Variants in ZNF106 observed in about 807,000 individuals in gnomAD.
ZNF106 encodes zinc finger protein 106.
ZNF106 carries 67 observed loss-of-function variants against 195.1 expected under a neutral mutation model. The ratio of observed to expected loss-of-function variants is 0.34; its 90% CI spans 0.28 to 0.42. The LOEUF (loss-of-function observed/expected upper bound fraction) is 0.42. Among genes scored for constraint, ZNF106 ranks in the 10% least tolerant of loss-of-function variants. The pLI is 1.00. For missense variants in ZNF106, 2,118 were observed against 2,304.5 expected (o/e 0.92, Z 1.66); for synonymous variants, 784 against 818.6 (o/e 0.96, Z 0.72).
At chr15:42,471,894 T>G (rs1032129954) in intron 2 of ZNF106, among the ~76,000 whole-genome samples, 2 of 152,222 alleles carry the variant, frequency 1.3e-5, no homozygotes, top group African/African-American at 4.8e-5. Flanking sequence ...AGTACATGAT[T>G]TTAAAATTAC....
intron 9 of ZNF106, among the ~76,000 whole-genome samples, chr15:42,443,747 G>A (rs2055647385): frequency 1.3e-5 from 2 of 151,148 alleles, no homozygotes; most frequent in African/African-American, 4.9e-5. Flanking sequence ...CAAAAAAAAA[G>A]GATGAAACCA....
rs1172493603 is a variant in ZNF106 at position 42,421,946 on chromosome 15, T to C, written c.5416A>G (p.Ile1806Val). The C allele has an allele frequency of 6.3e-7, 1 of 1,585,594 alleles. No homozygotes were observed. The change falls in exon 19 of 22, where the codon ATT becomes GTT. Residue 1806 changes from isoleucine to valine, a missense_variant. Coordinates refer to ENST00000564754, the MANE Select transcript of ZNF106 (RefSeq NM_001366845.3). ...CTTTTATGGATGGTCATACACATAA[T>C]CATGTCTTTGTGTCCTCCATAAACT... The part of the protein sequence containing the change: ...LQVYGGHKDM[I>V]MCMTIHKSMI...
At chr15:42,459,390 C>T (rs1344230900) in intron 3 of ZNF106, among the ~76,000 whole-genome samples, 5 of 152,006 alleles carry the variant, frequency 3.3e-5, no homozygotes, top group African/African-American at 7.2e-5. Flanking sequence ...GCAGGAGAAT[C>T]GCTTGAACCC....
At chr15:42,449,739 G>A in intron 5 of ZNF106, 32 bp downstream of exon 5, 8 of 1,568,726 alleles carry the variant, frequency 5.1e-6, no homozygotes, top group Non-Finnish European at 6.9e-6. Flanking sequence ...AAGAAAGTGA[G>A]GAAAAAAAAG....
At chr15:42,424,255 A>T (rs2054772395) in intron 16 of ZNF106, 195 bp from the exon 17 acceptor site, 1 of 551,586 alleles carries the variant, frequency 1.8e-6, no homozygotes, top group Admixed American at 3.4e-5. Flanking sequence ...ATGAACTGAC[A>T]ATGTATTATT....
chr15:42,486,912 A>C (rs1225210182), intron 1 of ZNF106, among the ~76,000 whole-genome samples: 2 of 152,108 alleles, frequency 1.3e-5, no homozygotes, highest in Admixed American at 1.3e-4. Context: ...GCACTTTGGG[A>C]GGCTGAGGTG....
chr15:42,466,083 T>C lies in ZNF106; in HGVS notation c.86A>G (p.His29Arg). 6.5e-7 allele frequency: 1 copy of C among 1,534,884 alleles called. No homozygotes were observed. Among genetic ancestry groups the C allele is most frequent in the Non-Finnish European group, 8.7e-7 (1 of 1,146,386 alleles). The change falls in exon 3 of 22, where the codon CAT (histidine) becomes CGT (arginine). Residue 29 changes from histidine to arginine, a missense_variant. Transcript: ENST00000564754. ...CTTGAGGTTCTCAAGTTCCCTGTGATGCAACATGCTCCGCATGTGTTCGTC... is the reference window on the plus strand; with the variant it reads ...CTTGAGGTTCTCAAGTTCCCTGTGACGCAACATGCTCCGCATGTGTTCGTC... ...EMDEHMRSMLHHRELENLKGR... is the reference protein window; with the variant it reads ...EMDEHMRSMLRHRELENLKGR...
At chr15:42,464,353 C>A (rs1395582656) in intron 3 of ZNF106, among the ~76,000 whole-genome samples, 107 of 144,052 alleles carry the variant, frequency 7.4e-4, no homozygotes, top group African/African-American at 2.1e-3. Flanking sequence ...AAAAAAAAAA[C>A]AAAAAACCAC....
chr15:42,480,722 C>T (rs559947745), intron 1 of ZNF106, among the ~76,000 whole-genome samples: 42 of 152,282 alleles, frequency 2.8e-4, no homozygotes, highest in South Asian at 6.2e-4. Flanking sequence ...TGGTGGCTCA[C>T]GCCTGAAATC....
intron 1 of ZNF106, among the ~76,000 whole-genome samples, chr15:42,489,318 C>T (rs1386081523): frequency 1.4e-4 from 22 of 151,830 alleles, no homozygotes; most frequent in Admixed American, 1.4e-3. Flanking sequence ...GCTGGAATTA[C>T]AGGCATGTGC....
At chr15:42,464,689 G>A (rs2056473933) in intron 3 of ZNF106, among the ~76,000 whole-genome samples, 1 of 151,948 alleles carries the variant, frequency 6.6e-6, no homozygotes, top group South Asian at 2.1e-4. Flanking sequence ...ACTATGCCCA[G>A]CTAATTTTGG....
chr15:42,473,293 T>A (rs2056718710), intron 1 of ZNF106, among the ~76,000 whole-genome samples: 1 of 152,196 alleles, frequency 6.6e-6, no homozygotes, highest in Non-Finnish European at 1.5e-5. Context: ...TGTATGTAAT[T>A]CCTCTGCTCA....
chr15:42,469,094 A>G (rs2056601433), intron 2 of ZNF106, among the ~76,000 whole-genome samples: 1 of 151,944 alleles, frequency 6.6e-6, no homozygotes, highest in Non-Finnish European at 1.5e-5. Context: ...CTGAAGCAGG[A>G]GGATCACTTG....
intron 3 of ZNF106, among the ~76,000 whole-genome samples, chr15:42,465,731 C>G (rs1031781578): frequency 6.6e-6 from 1 of 152,122 alleles, no homozygotes; most frequent in African/African-American, 2.4e-5. Context: ...AGTAAAAATA[C>G]AAAATGTCCT....
chr15:42,421,016 A>C, intron 20 of ZNF106, 45 bp downstream of exon 20: 3 of 1,566,224 alleles, frequency 1.9e-6, no homozygotes, highest in Non-Finnish European at 2.6e-6. Context: ...CCTAGGGTGA[A>C]GCAACCTATA....
chr15:42,479,919 G>A (rs1416804858), intron 1 of ZNF106, among the ~76,000 whole-genome samples: 2 of 152,090 alleles, frequency 1.3e-5, no homozygotes, highest in African/African-American at 4.8e-5. Flanking sequence ...ACACAAACAT[G>A]GCTCACTGCA....
At chr15:42,441,004 T>C (rs1416127142) in intron 10 of ZNF106, among the ~76,000 whole-genome samples, 1 of 13,282 alleles carries the variant, frequency 7.5e-5, no homozygotes, top group Non-Finnish European at 1.2e-4. Context: ...AAAAAATATA[T>C]ATATATATAT....
intron 2 of ZNF106, among the ~76,000 whole-genome samples, chr15:42,470,302 AC>A (rs1454316450): frequency 6.6e-6 from 1 of 152,216 alleles, no homozygotes; most frequent in Non-Finnish European, 1.5e-5. Context: ...AACCAGAGTT[AC>A]ACTAGTTTGG....
rs971837836 is a variant in ZNF106 at position 42,417,211 on chromosome 15, A to C, written c.*93T>G. 4.6e-5 allele frequency: 64 copies of C among 1,397,654 alleles called. No individual in the cohort carries two copies. The African/African-American group carries it at 5.1e-4, about 11-fold the overall frequency. 86.6% of individuals were successfully genotyped at this position (1,397,654 alleles called of 1,614,324 possible). A position where few individuals can be genotyped will look rare whatever the true frequency, so the allele number is the denominator to read the frequency against. ...GCTAGTAACCACTTTCTCCTTCCTT[A>C]CTTCACCAAGAAAGGGAAGAGAGTG... On this transcript the variant is annotated 3_prime_UTR_variant, in exon 22 of 22. Transcript: ENST00000564754.
Sources: allele counts gnomAD v4.1 joint callset (sites outside exome capture counted in the v4.1 genomes callset), GRCh38; gene constraint gnomAD v4.1.1; transcripts MANE v1.5; gene names NCBI Gene and HGNC (gene_info 2026-07-23, HGNC 2026-07-21).